Variants in ANKEF1 observed in about 807,000 individuals in gnomAD.
ANKEF1 encodes ankyrin repeat and EF-hand domain containing 1.
ANKEF1 carries 43 observed loss-of-function variants against 65.1 expected under a neutral mutation model. The observed-to-expected ratio is 0.66, with a 90% CI of 0.52 to 0.85. The LOEUF is 0.85. ANKEF1 is among the 40% of genes least tolerant of loss of function. The pLI is 0.00. For synonymous variants in ANKEF1, 316 were observed against 341.5 expected (o/e 0.93, Z 0.82); for missense variants, 934 against 952.9 (o/e 0.98, Z 0.26).
intron 7 of ANKEF1, 133 bp downstream of exon 7, chr20:10,050,345 A>T (rs1984784524): frequency 1.5e-5 from 10 of 653,256 alleles, no homozygotes; most frequent in Admixed American, 3.4e-5. Flanking sequence ...TTTAATATAT[A>T]AAAGCCTTTT....
chr20:10,048,845 G>T (rs1005431446), intron 6 of ANKEF1, among the ~76,000 whole-genome samples: 1 of 152,098 alleles, frequency 6.6e-6, no homozygotes, highest in Non-Finnish European at 1.5e-5. Context: ...TGTGAAGGTT[G>T]TTCATATGGC....
At chr20:10,051,296 A>G (rs1984843487) in intron 7 of ANKEF1, among the ~76,000 whole-genome samples, 1 of 152,222 alleles carries the variant, frequency 6.6e-6, no homozygotes, top group African/African-American at 2.4e-5. Context: ...ATGTTAAATA[A>G]TACATGGTAA....
chr20:10,052,979 GTA>G, intron 8 of ANKEF1, 131 bp from the exon 9 acceptor site: 1 of 801,096 alleles, frequency 1.2e-6, no homozygotes. Context: ...GTGAACTTCT[GTA>G]TATATACCCC....
chr20:10,053,612 A>T (rs1279174962), intron 9 of ANKEF1, among the ~76,000 whole-genome samples: 1 of 152,166 alleles, frequency 6.6e-6, no homozygotes, highest in Non-Finnish European at 1.5e-5. Flanking sequence ...AGATGGTCCA[A>T]ATAGGGAAGG....
chr20:10,046,842 C>T (rs947228848), intron 6 of ANKEF1, among the ~76,000 whole-genome samples: 16 of 152,166 alleles, frequency 1.1e-4, no homozygotes, highest in Non-Finnish European at 4.4e-5. Flanking sequence ...CTAACATGCC[C>T]GCATAACTAT....
chr20:10,045,739 T>C (rs1176842666), intron 6 of ANKEF1, 42 bp downstream of exon 6: 13 of 1,606,612 alleles, frequency 8.1e-6, no homozygotes, highest in Non-Finnish European at 1.0e-5. Flanking sequence ...TACTTATGAT[T>C]TACCCATGTC....
rs575274293 is a variant in ANKEF1, at chr20:10,049,704, G to T, written c.1135G>T (p.Ala379Ser). Residue 379 changes from alanine (A) to serine (S), a missense_variant, in exon 7 of 11, where the codon GCT becomes TCT. By Grantham distance (99) the Ala-to-Ser change is moderately conservative. Transcript: ENST00000378392. ...YASSEQLAAI[A>S]HLHEKTRGGG... is the part of the protein sequence containing the mutation. ...AAGCTCAGAACAGCTGGCTGCCATC[G>T]CTCACCTTCATGAGAAAACCCGGGG... 1.5e-3 allele frequency: 2,393 copies of T among 1,614,118 alleles called. 48 individuals are homozygous for T. The South Asian group carries it at 0.025, about 17-fold the overall frequency.
At chr20:10,047,452 A>G (rs760481482) in intron 6 of ANKEF1, among the ~76,000 whole-genome samples, 2 of 152,236 alleles carry the variant, frequency 1.3e-5, no homozygotes, top group Admixed American at 1.3e-4. Flanking sequence ...AGAAACCCTT[A>G]GTGATCAAAT....
rs768614213 is a variant in ANKEF1 at position 10,044,436 on chromosome 20, G to T, written c.589G>T (p.Val197Leu). 12 of 1,614,104 alleles carry T rather than the reference G, an allele frequency of 7.4e-6. No individual in the cohort carries two copies. In the South Asian group the frequency reaches 1.1e-4, roughly 15 times the overall value. Residue 197 changes from valine to leucine, a missense_variant, in exon 5 of 11, where the codon GTA becomes TTA. Transcript: ENST00000378392. ...TALMEASREG[V>L]VEIVRGILER... is the part of the protein sequence containing the mutation. ...TTTAATGGAAGCGTCAAGAGAAGGG[G>T]TAGTGGAAATAGTTCGAGGCATATT... is the stretch of plus-strand genomic sequence containing the variant.
rs189545609 is a variant in ANKEF1, at chr20:10,036,866, C to T, written c.-45+1224C>T. On this transcript the variant is annotated intron_variant, in intron 2 of 10. Coordinates refer to ENST00000378392, the MANE Select transcript of ANKEF1 (RefSeq NM_022096.6). ...GAGGGTCGAGGGTCATGGGATAGGG[C>T]GAGACACCAGGGGAGTGTGTGAGGA... Among the ~76,000 whole-genome samples the T allele has an allele frequency of 5.1e-4, 78 of 152,056 alleles. 1 individual carries two copies. Among genetic ancestry groups the T allele is most frequent in the Non-Finnish European group, 2.2e-4 (15 of 68,006 alleles).
At chr20:10,052,044 T>C (rs894182210) in intron 8 of ANKEF1, among the ~76,000 whole-genome samples, 155 bp downstream of exon 8, 3 of 152,210 alleles carry the variant, frequency 2.0e-5, no homozygotes, top group Non-Finnish European at 2.9e-5. Flanking sequence ...GTTTATCTTA[T>C]ACCAAGTGCT....
Position 10,055,665 on chromosome 20 carries a change from T to C in ANKEF1, c.*5T>C. ...GAAGCTGCCTTGAAGACCTAAGTCATAGCAGTTATTTCTTGGGGTAAATGC... is the reference window on the plus strand; with the variant it reads ...GAAGCTGCCTTGAAGACCTAAGTCACAGCAGTTATTTCTTGGGGTAAATGC... On this transcript the variant is annotated 3_prime_UTR_variant, in exon 11 of 11. Transcript: ENST00000378392. 6.2e-7 allele frequency: 1 copy of C among 1,613,546 alleles called. No homozygotes were observed. Among genetic ancestry groups the C allele is most frequent in the Non-Finnish European group, 8.5e-7 (1 of 1,179,634 alleles).
intron 6 of ANKEF1, among the ~76,000 whole-genome samples, chr20:10,048,785 A>G (rs1325664470): frequency 3.3e-5 from 5 of 152,224 alleles, no homozygotes; most frequent in Admixed American, 6.5e-5. Context: ...TAACTTGCAC[A>G]TAAATATAAT....
rs928433981 is a variant in ANKEF1 at position 10,053,021 on chromosome 20, G to A, written c.1871-91G>A. Reference sequence around the variant, plus strand: ...TTTAGGAATCACCCTTATTAGGGCAGGCTTAGAGCTGATGTGCTGAGATAT... The same window carrying A: ...TTTAGGAATCACCCTTATTAGGGCAAGCTTAGAGCTGATGTGCTGAGATAT... On this transcript the variant is annotated intron_variant, in intron 8 of 10. Coordinates refer to ENST00000378392, the MANE Select transcript of ANKEF1 (RefSeq NM_022096.6). 15 of 1,340,978 alleles carry A rather than the reference G, an allele frequency of 1.1e-5. No homozygotes were observed. The Admixed American group carries it at 2.5e-4, about 22-fold the overall frequency. 83.1% of individuals were successfully genotyped at this position (1,340,978 alleles called of 1,614,324 possible).
At chr20:10,045,831 G>T in intron 6 of ANKEF1, 134 bp downstream of exon 6, 1 of 779,156 alleles carries the variant, frequency 1.3e-6, no homozygotes, top group East Asian at 2.7e-5. Context: ...TATGTAGAAA[G>T]AAAATTGAAA....
In ANKEF1 at chr20:10,044,478, G is replaced by A. The variant is rs761663968; in HGVS notation, c.631G>A (p.Val211Met). Residue 211 changes from valine to methionine, a missense_variant, in exon 5 of 11, where the codon GTG (valine) becomes ATG (methionine). Physicochemically the swap from Val to Met is conservative, Grantham distance 21. Coordinates refer to ENST00000378392, the MANE Select transcript of ANKEF1 (RefSeq NM_022096.6). ...VRGILERGGE[V>M]NAFDNDRHHA... ...AGGCATATTGGAAAGAGGAGGTGAA[G>A]TGAATGCATTTGACAACGACAGGCA... is the stretch of plus-strand genomic sequence containing the variant. The A allele has an allele frequency of 1.2e-6, 2 of 1,614,114 alleles. No individual in the cohort carries two copies. Among genetic ancestry groups the A allele is most frequent in the Non-Finnish European group, 1.7e-6 (2 of 1,179,990 alleles).
intron 8 of ANKEF1, among the ~76,000 whole-genome samples, chr20:10,052,314 G>A (rs116231007): frequency 0.023 from 2,054 of 88,280 alleles, 43 homozygotes; most frequent in African/African-American, 0.11. Flanking sequence ...GCACCAGTTT[G>A]CAGATGACAC....
chr20:10,056,688 A>G lies in ANKEF1; in HGVS notation c.*1028A>G, dbSNP rs1465784143. ...GTGGAATTTCTTCTTCATCATGGAAACCTCAGTTTTGTTCATACACCTAAA... is the reference window on the plus strand; with the variant it reads ...GTGGAATTTCTTCTTCATCATGGAAGCCTCAGTTTTGTTCATACACCTAAA... On this transcript the variant is annotated 3_prime_UTR_variant, in exon 11 of 11. Coordinates refer to ENST00000378392, the MANE Select transcript of ANKEF1 (RefSeq NM_022096.6). The G allele has an allele frequency of 6.6e-6, 1 of 151,986 alleles. No homozygotes were observed. The highest frequency in any genetic ancestry group is 1.5e-5 in the Non-Finnish European group (1 of 68,000). The allele number at this position is 151,986 out of a possible 1,614,324, so 9.4% of individuals were successfully genotyped here. A position where few individuals can be genotyped will look rare whatever the true frequency, so the allele number is the denominator to read the frequency against.
In ANKEF1 at chr20:10,049,500, A is replaced by G; in HGVS notation, c.931A>G (p.Asn311Asp). 6.2e-7 allele frequency: 1 copy of G among 1,614,192 alleles called. No individual in the cohort carries two copies. The highest frequency in any genetic ancestry group is 1.7e-5 in the Admixed American group (1 of 60,022). Residue 311 changes from asparagine (N) to aspartate (D), a missense_variant, in exon 7 of 11, where the codon AAT becomes GAT. By Grantham distance (23) the Asn-to-Asp change is conservative. Transcript: ENST00000378392. ...KEIRRAERIA[N>D]KLARPGAKNP... ...AATACGCCGAGCAGAGAGAATCGCTAATAAACTAGCCAGGCCAGGAGCCAA... is the reference window on the plus strand; with the variant it reads ...AATACGCCGAGCAGAGAGAATCGCTGATAAACTAGCCAGGCCAGGAGCCAA...
Sources: gnomAD v4.1 joint callset for allele counts (sites outside exome capture counted in the v4.1 genomes callset) on GRCh38, gnomAD v4.1.1 for gene constraint, MANE v1.5 for transcripts, NCBI Gene and HGNC (gene_info 2026-07-23, HGNC 2026-07-21) for gene names.